Variants in DHX16 observed in about 807,000 individuals in gnomAD.
DHX16 encodes the protein DEAH-box helicase 16.
In DHX16, 81 loss-of-function variants were observed where a neutral mutation model predicts 131.2. The observed-to-expected ratio is 0.62, with a 90% CI of 0.52 to 0.74. The LOEUF (loss-of-function observed/expected upper bound fraction) is 0.74, where lower values mean the gene tolerates loss of function less well. DHX16 is among the 30% of genes least tolerant of loss of function. The pLI is 0.00. For missense variants in DHX16, 980 were observed against 1,363.1 expected (o/e 0.72, Z 4.43); for synonymous variants, 440 against 520.2 (o/e 0.85, Z 2.10).
At position 30,665,233 on chromosome 6, in the gene DHX16, G is replaced by A; in HGVS notation, c.963C>T (p.Ala321=). 1 of 1,605,592 alleles carries A rather than the reference G, an allele frequency of 6.2e-7. No homozygotes were observed. The highest frequency in any genetic ancestry group is 8.5e-7 in the Non-Finnish European group (1 of 1,179,766). Residue 321 remains alanine (A), a synonymous_variant, in exon 6 of 20, where the codon GCC becomes GCT. Transcript: ENST00000376442. The surrounding 1 kb of genome is among the most constrained non-coding windows in gnomAD (Gnocchi z 4.8). ...CCCAGCGCCGCTGCTCCTCCCCAGG[G>A]GCTCCTGATTCCTCCTCCACTAGAT... ...AVDLVEEESG[A]PGEEQRRWEE...
chr6:30,661,180 T>A (rs74917683), intron 9 of DHX16, among the ~76,000 whole-genome samples: 7,947 of 152,196 alleles, frequency 0.052, 279 homozygotes, highest in Non-Finnish European at 0.087. Context: ...TGGGTTGCGT[T>A]CACGCCATTC....
At chr6:30,655,678 T>C in intron 16 of DHX16, 81 bp from the exon 17 acceptor site, 12 of 1,495,944 alleles carry the variant, frequency 8.0e-6, no homozygotes, top group East Asian at 2.3e-5. Context: ...GATCACTGTG[T>C]GATGGATGTT....
At chr6:30,658,124 C>T (rs558400056) in intron 12 of DHX16, among the ~76,000 whole-genome samples, 1 of 152,322 alleles carries the variant, frequency 6.6e-6, no homozygotes, top group South Asian at 2.1e-4. Flanking sequence ...GTCCAAACTT[C>T]GCCAAGCACA....
intron 4 of DHX16, among the ~76,000 whole-genome samples, chr6:30,667,129 G>A (rs910070533): frequency 1.8e-4 from 27 of 152,154 alleles, no homozygotes; most frequent in Admixed American, 1.8e-3. Context: ...TGAAATGACT[G>A]TTACAGCAAA....
At position 30,662,550 on chromosome 6, in the gene DHX16, G is replaced by C; in HGVS notation, c.1544+77C>G. On this transcript the variant is annotated intron_variant, in intron 9 of 19. Coordinates refer to ENST00000376442, the MANE Select transcript of DHX16 (RefSeq NM_003587.5). This position sits in a 1 kb window ranked among gnomAD's most constrained non-coding sequence, Gnocchi z 4.7. ...ATTTGAACCACAAAGATTCAAGAACGGGTGGATTAATCAGAAGACAATGGC... is the reference window on the plus strand; with the variant it reads ...ATTTGAACCACAAAGATTCAAGAACCGGTGGATTAATCAGAAGACAATGGC... 4 of 1,237,358 alleles carry C rather than the reference G, an allele frequency of 3.2e-6. No individual in the cohort carries two copies. The highest frequency in any genetic ancestry group is 1.2e-5 in the South Asian group (1 of 80,530). The allele number at this position is 1,237,358 out of a possible 1,614,324, so 76.6% of individuals were successfully genotyped here. A position where few individuals can be genotyped will look rare whatever the true frequency, so the allele number is the denominator to read the frequency against.
In DHX16 at chr6:30,664,788, G is replaced by A. The variant is rs1450834818; in HGVS notation, c.1317+13C>T. On this transcript the variant is annotated intron_variant, in intron 7 of 19. Transcript: ENST00000376442. The stretch of plus-strand genomic sequence containing the variant: ...CAGGTGCCCTGGCAAGCTGAAGGGT[G>A]AGATGACTGTACCTCCTCAAAGAGA... 2 of 1,603,820 alleles carry A rather than the reference G, an allele frequency of 1.2e-6. No homozygotes were observed. The highest frequency in any genetic ancestry group is 1.7e-6 in the Non-Finnish European group (2 of 1,172,310).
rs958119764 is a variant in DHX16 at position 30,669,724 on chromosome 6, C to CA, written c.666+685dup. Reference sequence around the variant, plus strand: ...TCGGTGACAGGGCAAGACCCCGTTTCAAAAAAAAGAAAAAAGGTTTAAAAA... The same window carrying CA: ...TCGGTGACAGGGCAAGACCCCGTTTCAAAAAAAAAGAAAAAAGGTTTAAAAA... On this transcript the variant is annotated intron_variant, in intron 4 of 19. Transcript: ENST00000376442. Among the ~76,000 whole-genome samples, 8 of 50,796 alleles carry CA rather than the reference C, an allele frequency of 1.6e-4. No homozygotes were observed. In the South Asian group the frequency reaches 1.9e-3, roughly 12 times the overall value. 33.3% of individuals were successfully genotyped at this position (50,796 alleles called of 152,430 possible).
In DHX16 at chr6:30,664,988, G is replaced by A. The variant is rs560138310; in HGVS notation, c.1130C>T (p.Pro377Leu). 2.4e-5 allele frequency: 39 copies of A among 1,613,904 alleles called. No individual in the cohort carries two copies. Among genetic ancestry groups the A allele is most frequent in the African/African-American group, 5.3e-5 (4 of 74,996 alleles). The change falls in exon 7 of 20, where the codon CCG (proline) becomes CTG (leucine). Residue 377 changes from proline (P) to leucine (L), a missense_variant. Coordinates refer to ENST00000376442, the MANE Select transcript of DHX16 (RefSeq NM_003587.5). The part of the protein sequence containing the change: ...RATQLQGDEE[P>L]SAPPTSTQAQ... ...CTGAGTTGAAGTGGGTGGAGCTGAC[G>A]GCTCCTAAGGAAAGAGAAGGAGGTG...
At chr6:30,669,890 G>GTGAAT in intron 4 of DHX16, among the ~76,000 whole-genome samples, 1 of 152,020 alleles carries the variant, frequency 6.6e-6, no homozygotes, top group Non-Finnish European at 1.5e-5. Context: ...AAAAAGTCCA[G>GTGAAT]TTTATGAATT....
At position 30,655,551 on chromosome 6, in the gene DHX16, CAG is replaced by C. The variant is rs1249534302; in HGVS notation, c.2543_2544del (p.Ser848CysfsTer17). The C allele has an allele frequency of 6.2e-7, 1 of 1,613,052 alleles. No homozygotes were observed. The highest frequency in any genetic ancestry group is 8.5e-7 in the Non-Finnish European group (1 of 1,180,022). On this transcript the variant is annotated frameshift_variant, in exon 17 of 20. Coordinates refer to ENST00000376442, the MANE Select transcript of DHX16 (RefSeq NM_003587.5). LOFTEE classifies it high-confidence loss of function. The part of the protein sequence containing the change: ...EEILTVAAML[S>X]VNNSIFYRPK... ...GGTCGGTAGAAGATGGAGTTGTTGACAGAGAGCATGGCAGCCACTGTCAGGAT... is the reference window on the plus strand; with the variant it reads ...GGTCGGTAGAAGATGGAGTTGTTGACAGAGCATGGCAGCCACTGTCAGGAT...
intron 1 of DHX16, 71 bp from the exon 2 acceptor site, chr6:30,671,345 C>G: frequency 1.5e-5 from 21 of 1,412,988 alleles, no homozygotes; most frequent in Non-Finnish European, 1.9e-5. Flanking sequence ...AGCTCTGTTC[C>G]TAATTTAAGC....
At chr6:30,660,523 C>T (rs1768412863) in intron 9 of DHX16, 2 of 369,654 alleles carry the variant, frequency 5.4e-6, no homozygotes, top group Non-Finnish European at 9.6e-6. Flanking sequence ...TTAGCCATAC[C>T]CTCTAGTTCA....
chr6:30,668,146 G>C (rs539280016), intron 4 of DHX16, among the ~76,000 whole-genome samples: 1 of 152,274 alleles, frequency 6.6e-6, no homozygotes, highest in Non-Finnish European at 1.5e-5. Flanking sequence ...TTTATCCTTA[G>C]CAGGTACACA....
At chr6:30,659,972 T>G (rs2127583092) in intron 10 of DHX16, 60 bp downstream of exon 10, 1 of 1,583,350 alleles carries the variant, frequency 6.3e-7, no homozygotes, top group Non-Finnish European at 8.6e-7. Flanking sequence ...CAGGATAACC[T>G]TCTCCAAAGG....
chr6:30,655,135 G>A, intron 18 of DHX16, 40 bp downstream of exon 18: 4 of 1,612,852 alleles, frequency 2.5e-6, no homozygotes, highest in Non-Finnish European at 3.4e-6. Context: ...TCCTGGGAAG[G>A]TACTGGGGGT....
chr6:30,670,830 T>C lies in DHX16; in HGVS notation c.569A>G (p.Lys190Arg). 1 of 1,613,074 alleles carries C rather than the reference T, an allele frequency of 6.2e-7. No individual in the cohort carries two copies. The highest frequency in any genetic ancestry group is 8.5e-7 in the Non-Finnish European group (1 of 1,180,036). The stretch of plus-strand genomic sequence containing the variant: ...TTCCAGGACATTTCGAGTCCGATCC[T>C]TGTCCCGCTGTCGAACCCGCTCAGC... The part of the protein sequence containing the change: ...AFAERVRQRD[K>R]DRTRNVLERS... The change falls in exon 3 of 20, where the codon AAG becomes AGG. Residue 190 changes from lysine to arginine, a missense_variant. This residue lies in a region of DHX16 where 457 missense variants were observed against 554.8 expected (regional missense o/e 0.82). Coordinates refer to ENST00000376442, the MANE Select transcript of DHX16 (RefSeq NM_003587.5). This position sits in a 1 kb window ranked among gnomAD's most constrained non-coding sequence, Gnocchi z 4.4.
Position 30,659,810 on chromosome 6 carries a change from C to G in DHX16, c.1780G>C (p.Ala594Pro). The G allele has an allele frequency of 6.2e-7, 1 of 1,614,216 alleles. No homozygotes were observed. Among genetic ancestry groups the G allele is most frequent in the South Asian group, 1.1e-5 (1 of 91,090 alleles). ...ATCTGCAACACAGATACTACACAAG[C>G]TTCCAAGTAGTCAGCCTCTGGAGCC... ...TKAPEADYLE[A>P]CVVSVLQIHV... Residue 594 changes from alanine to proline, a missense_variant, in exon 11 of 20, where the codon GCT becomes CCT. Physicochemically the swap from Ala to Pro is conservative, Grantham distance 27 (BLOSUM62 -1). This residue lies in a region of DHX16 where 309 missense variants were observed against 537.1 expected (regional missense o/e 0.58). Transcript: ENST00000376442.
At chr6:30,667,455 G>A (rs755887908) in intron 4 of DHX16, among the ~76,000 whole-genome samples, 27 of 151,800 alleles carry the variant, frequency 1.8e-4, no homozygotes, top group African/African-American at 5.3e-4. Flanking sequence ...GGCAGCAGGC[G>A]CCTGTAGTTC....
chr6:30,656,623 T>C lies in DHX16; in HGVS notation c.2285A>G (p.Asn762Ser), dbSNP rs1338826107. 2.5e-6 allele frequency: 4 copies of C among 1,613,992 alleles called. No individual in the cohort carries two copies. The highest frequency in any genetic ancestry group is 2.7e-5 in the African/African-American group (2 of 74,908). Residue 762 changes from asparagine (N) to serine (S), a missense_variant, in exon 14 of 20, where the codon AAT (asparagine) becomes AGT (serine). Asn to Ser is a conservative substitution (Grantham distance 46, BLOSUM62 1). This residue lies in a region of DHX16 where 309 missense variants were observed against 537.1 expected (regional missense o/e 0.58). Coordinates refer to ENST00000376442, the MANE Select transcript of DHX16 (RefSeq NM_003587.5). The surrounding 1 kb of genome is among the most constrained non-coding windows in gnomAD (Gnocchi z 5.1). ...TAAGCTCTTGAGCAGCAACACGACATTGCCCAAGCTGGTCCTCTGGATCTC... is the reference window on the plus strand; with the variant it reads ...TAAGCTCTTGAGCAGCAACACGACACTGCCCAAGCTGGTCCTCTGGATCTC... ...VPEIQRTSLG[N>S]VVLLLKSLGI...
Sources: gnomAD v4.1 joint callset for allele counts (sites outside exome capture counted in the v4.1 genomes callset) on GRCh38, gnomAD v4.1.1 for gene constraint, gnomAD v4.1.1 regional missense constraint, Gnocchi (gnomAD v3.1) non-coding constraint, MANE v1.5 for transcripts, NCBI Gene and HGNC (gene_info 2026-07-23, HGNC 2026-07-21) for gene names.